The following NRXN3 variants were observed in gnomAD, a reference collection of about 807,000 sequenced individuals.
NRXN3 encodes the protein neurexin III.
A neutral mutation model predicts 137.6 loss-of-function variants in NRXN3; 32 were observed. The ratio of observed to expected loss-of-function variants is 0.23; its 90% CI spans 0.18 to 0.31. The LOEUF (loss-of-function observed/expected upper bound fraction) is 0.31, where lower values mean the gene tolerates loss of function less well. NRXN3 is among the 10% of genes least tolerant of loss of function. The pLI, the probability that NRXN3 is intolerant of heterozygous loss-of-function variation, is 1.00. For missense variants in NRXN3, 1,574 were observed against 2,062.5 expected (o/e 0.76, Z 4.59); for synonymous variants, 798 against 784.5 (o/e 1.02, Z -0.29).
chr14:79,755,742 AATAGTCAG>A (rs956309206), intron 19 of NRXN3, among the ~76,000 whole-genome samples: 23 of 152,256 alleles, frequency 1.5e-4, no homozygotes, highest in African/African-American at 3.6e-4. Context: ...CAGGTTCCTG[AATAGTCAG>A]ATAGGAATTG....
At chr14:78,327,842 C>T (rs1274369791) in intron 4 of NRXN3, among the ~76,000 whole-genome samples, 1 of 152,156 alleles carries the variant, frequency 6.6e-6, no homozygotes, top group Non-Finnish European at 1.5e-5. Context: ...AACATGCACT[C>T]AGCCTAGGCC....
chr14:79,069,360 G>A (rs1217877762), intron 15 of NRXN3, among the ~76,000 whole-genome samples: 1 of 151,994 alleles, frequency 6.6e-6, no homozygotes, highest in African/African-American at 2.4e-5. Context: ...AAGACATTAA[G>A]TAATTAATTA....
intron 4 of NRXN3, among the ~76,000 whole-genome samples, chr14:78,632,789 G>GT (rs1243570178): frequency 6.6e-6 from 1 of 152,106 alleles, no homozygotes; most frequent in Non-Finnish European, 1.5e-5. Context: ...TTGAACTCTT[G>GT]TAACTTTAAA....
At chr14:79,749,673 C>G (rs1013064594) in intron 19 of NRXN3, among the ~76,000 whole-genome samples, 1 of 152,088 alleles carries the variant, frequency 6.6e-6, no homozygotes, top group Non-Finnish European at 1.5e-5. Flanking sequence ...TTGGATGTCA[C>G]CAATCTGGGA....
chr14:78,498,243 C>T (rs2095821115), intron 4 of NRXN3, among the ~76,000 whole-genome samples: 1 of 152,158 alleles, frequency 6.6e-6, no homozygotes, highest in South Asian at 2.1e-4. Flanking sequence ...GAGCCAGGGA[C>T]AGGGAGCAGA....
chr14:78,598,996 G>A (rs1369965057), intron 4 of NRXN3, among the ~76,000 whole-genome samples: 1 of 152,148 alleles, frequency 6.6e-6, no homozygotes, highest in Non-Finnish European at 1.5e-5. Flanking sequence ...TTCTTAGTAG[G>A]GTCTTCTTAC....
chr14:79,380,721 G>A lies in NRXN3; in HGVS notation c.3263-86500G>A, dbSNP rs573660777. Among the ~76,000 whole-genome samples the A allele has an allele frequency of 1.6e-4, 24 of 152,304 alleles. No homozygotes were observed. In the South Asian group the frequency reaches 4.8e-3, roughly 30 times the overall value. ...CCTTTGGGTATATACCCAGTAATGG[G>A]ATGGCTGGGTCAAATGGTAACAACA... On this transcript the variant is annotated intron_variant, in intron 15 of 20. Coordinates refer to ENST00000335750, the MANE Select transcript of NRXN3 (RefSeq NM_001330195.2).
At chr14:78,934,113 T>C (rs193075259) in intron 10 of NRXN3, among the ~76,000 whole-genome samples, 9 of 150,886 alleles carry the variant, frequency 6.0e-5, no homozygotes, top group African/African-American at 2.2e-4. Flanking sequence ...TTGAGTGTTA[T>C]TTGAGAACAG....
At chr14:79,323,576 T>C (rs919365466) in intron 15 of NRXN3, among the ~76,000 whole-genome samples, 1 of 152,154 alleles carries the variant, frequency 6.6e-6, no homozygotes, top group Non-Finnish European at 1.5e-5. Flanking sequence ...TTTTATATAG[T>C]AGGCCGGGCG....
At chr14:79,235,277 A>G (rs1278084693) in intron 15 of NRXN3, among the ~76,000 whole-genome samples, 3 of 152,186 alleles carry the variant, frequency 2.0e-5, no homozygotes, top group Non-Finnish European at 4.4e-5. Flanking sequence ...CAAGTATGAT[A>G]AAAGGAAAAT....
intron 10 of NRXN3, among the ~76,000 whole-genome samples, chr14:78,899,618 A>G (rs2099189053): frequency 6.6e-6 from 1 of 152,024 alleles, no homozygotes; most frequent in African/African-American, 2.4e-5. Flanking sequence ...TTAAGCTAAT[A>G]TACATTCTTT....
chr14:79,481,706 T>C (rs571626958), intron 16 of NRXN3, among the ~76,000 whole-genome samples: 19 of 152,322 alleles, frequency 1.2e-4, no homozygotes, highest in Middle Eastern at 6.8e-3. Flanking sequence ...GTTTAATACA[T>C]GTAGAGCTGG....
intron 10 of NRXN3, among the ~76,000 whole-genome samples, chr14:78,896,186 A>G (rs1045071794): frequency 5.3e-5 from 8 of 151,900 alleles, no homozygotes; most frequent in African/African-American, 1.9e-4. Context: ...TATGCTTGTG[A>G]TAGGTTTCTC....
chr14:79,576,152 G>A (rs936094212), intron 16 of NRXN3, among the ~76,000 whole-genome samples: 1 of 152,168 alleles, frequency 6.6e-6, no homozygotes, highest in Non-Finnish European at 1.5e-5. Context: ...AAGTATAGGA[G>A]CAGAAATAAA....
At chr14:79,026,232 G>T (rs1162158700) in intron 15 of NRXN3, among the ~76,000 whole-genome samples, 1 of 152,134 alleles carries the variant, frequency 6.6e-6, no homozygotes, top group Non-Finnish European at 1.5e-5. Context: ...TGATGGGAAA[G>T]ATATTAGAGT....
At chr14:79,112,378 A>T (rs2053679655) in intron 15 of NRXN3, among the ~76,000 whole-genome samples, 1 of 152,216 alleles carries the variant, frequency 6.6e-6, no homozygotes, top group Non-Finnish European at 1.5e-5. Context: ...ATTCACTTGT[A>T]CATCAGCCTT....
intron 6 of NRXN3, among the ~76,000 whole-genome samples, chr14:78,693,342 C>A (rs541917441): frequency 6.6e-6 from 1 of 151,944 alleles, no homozygotes; most frequent in East Asian, 1.9e-4. Flanking sequence ...GCACTACCTT[C>A]TCTTAGTTGG....
At chr14:78,887,308 G>A (rs1287488696) in intron 10 of NRXN3, among the ~76,000 whole-genome samples, 3 of 152,088 alleles carry the variant, frequency 2.0e-5, no homozygotes, top group African/African-American at 7.2e-5. Context: ...CTCAAAGCTT[G>A]TGTAATCACC....
intron 20 of NRXN3, among the ~76,000 whole-genome samples, chr14:79,841,489 T>A (rs887497766): frequency 2.0e-5 from 3 of 152,168 alleles, no homozygotes; most frequent in Non-Finnish European, 4.4e-5. Context: ...AATAATTTAT[T>A]ATTCTATAAA....
Sources: gnomAD v4.1 joint callset for allele counts (sites outside exome capture counted in the v4.1 genomes callset) on GRCh38, gnomAD v4.1.1 for gene constraint, MANE v1.5 for transcripts, NCBI Gene and HGNC (gene_info 2026-07-23, HGNC 2026-07-21) for gene names.